OMA1: variants seen among roughly 807,000 people sequenced by gnomAD.
The protein encoded by OMA1 is metalloendopeptidase OMA1, mitochondrial.
OMA1 carries 38 observed loss-of-function variants against 30.9 expected under a neutral mutation model. The ratio of observed to expected loss-of-function variants is 1.23; its 90% CI spans 0.95 to 1.61. The LOEUF is 1.61. OMA1 is among the 40% of genes most tolerant of loss of function. The probability of loss-of-function intolerance (pLI) is 0.00; values close to 1 mark genes in which losing one functional copy is unlikely to be tolerated. For synonymous variants in OMA1, 173 were observed against 121.9 expected (o/e 1.42, Z -2.76); for missense variants, 461 against 349.2 (o/e 1.32, Z -2.55).
Position 58,533,990 on chromosome 1 carries a change from A to C in OMA1, c.974T>G (p.Leu325Arg), listed in dbSNP as rs1306725561. The C allele has an allele frequency of 1.1e-6, 1 of 871,688 alleles. No individual in the cohort carries two copies. 54.0% of individuals were successfully genotyped at this position (871,688 alleles called of 1,614,324 possible). ...TACTGCATGTGCTATTTCATGGCCC[A>C]GAAGGAAAGAAAGTTGATGAATATC... Reference protein sequence around the residue: ...VTDIHQLSFLLGHEIAHAVLG... With the variant: ...VTDIHQLSFLRGHEIAHAVLG... The change falls in exon 5 of 9, where the codon CTG (leucine) becomes CGG (arginine). Residue 325 changes from leucine to arginine, a missense_variant. Transcript: ENST00000371226.
chr1:58,543,894 G>A (rs1414620391), intron 1 of OMA1, among the ~76,000 whole-genome samples: 6 of 152,176 alleles, frequency 3.9e-5, no homozygotes, highest in South Asian at 4.1e-4. Flanking sequence ...GCCCCTACAT[G>A]TGGCTACTGA....
At chr1:58,491,867 G>GT (rs1365344296) in intron 8 of OMA1, among the ~76,000 whole-genome samples, 1 of 152,122 alleles carries the variant, frequency 6.6e-6, no homozygotes, top group Non-Finnish European at 1.5e-5. Context: ...GAGACAAAAA[G>GT]TTAACAAGGA....
rs572504905 is a variant in OMA1, at chr1:58,525,364, C to T, written c.1215+1897G>A. 2.0e-4 allele frequency among the ~76,000 whole-genome samples: 30 copies of T among 152,092 alleles called. No homozygotes were observed. In the South Asian group the frequency reaches 5.4e-3, roughly 27 times the overall value. Reference sequence around the variant, plus strand: ...GCTCAAAAACATGCTGTTCAAGAGTCAACTGTATACAGATTGGAAAGGAAG... The same window carrying T: ...GCTCAAAAACATGCTGTTCAAGAGTTAACTGTATACAGATTGGAAAGGAAG... On this transcript the variant is annotated intron_variant, in intron 7 of 8. Transcript: ENST00000371226.
At chr1:58,497,911 G>GT (rs1413431058) in intron 8 of OMA1, among the ~76,000 whole-genome samples, 1 of 152,028 alleles carries the variant, frequency 6.6e-6, no homozygotes, top group African/African-American at 2.4e-5. Context: ...CATTCCATGG[G>GT]TATCTCCCAG....
chr1:58,486,149 T>A (rs1046824573), intron 8 of OMA1, among the ~76,000 whole-genome samples: 2 of 152,192 alleles, frequency 1.3e-5, no homozygotes, highest in African/African-American at 4.8e-5. Flanking sequence ...TGACATAAAA[T>A]ACTTATCATT....
chr1:58,508,407 C>T (rs762929714), intron 7 of OMA1, among the ~76,000 whole-genome samples: 2 of 152,180 alleles, frequency 1.3e-5, no homozygotes, highest in Non-Finnish European at 2.9e-5. Context: ...CGATAATATA[C>T]GAATTCCCTT....
At chr1:58,544,023 A>C (rs1322929321) in intron 1 of OMA1, among the ~76,000 whole-genome samples, 1 of 152,224 alleles carries the variant, frequency 6.6e-6, no homozygotes, top group Non-Finnish European at 1.5e-5. Flanking sequence ...AGGCAAGTGA[A>C]TATCAGCAAA....
At chr1:58,512,970 T>A (rs1646104613) in intron 7 of OMA1, among the ~76,000 whole-genome samples, 1 of 152,204 alleles carries the variant, frequency 6.6e-6, no homozygotes, top group Non-Finnish European at 1.5e-5. Flanking sequence ...ATACTCAGTT[T>A]ATCACAAGTC....
At chr1:58,483,210 T>G (rs1349969185) in intron 8 of OMA1, among the ~76,000 whole-genome samples, 1 of 152,138 alleles carries the variant, frequency 6.6e-6, no homozygotes, top group Non-Finnish European at 1.5e-5. Flanking sequence ...AAGGGCCTTG[T>G]GTGAATGTGT....
At chr1:58,514,885 G>C (rs1438409826) in intron 7 of OMA1, among the ~76,000 whole-genome samples, 2 of 152,158 alleles carry the variant, frequency 1.3e-5, no homozygotes, top group Non-Finnish European at 2.9e-5. Context: ...TACTGTCTAT[G>C]AGAGCTTTGC....
At chr1:58,502,951 A>C (rs1645929336) in intron 8 of OMA1, among the ~76,000 whole-genome samples, 1 of 152,202 alleles carries the variant, frequency 6.6e-6, no homozygotes, top group South Asian at 2.1e-4. Context: ...CTTTGTCTTC[A>C]TCATTTGCTC....
intron 8 of OMA1, among the ~76,000 whole-genome samples, chr1:58,483,870 G>A (rs571033612): frequency 6.6e-6 from 1 of 152,166 alleles, no homozygotes; most frequent in Admixed American, 6.5e-5. Flanking sequence ...CAAGTGAGAA[G>A]TTTACCTGTC....
chr1:58,546,079 C>T (rs1016099039), intron 1 of OMA1, among the ~76,000 whole-genome samples: 2 of 152,186 alleles, frequency 1.3e-5, no homozygotes, highest in African/African-American at 4.8e-5. Context: ...ACTGTTGCTC[C>T]ACACACAGGC....
At chr1:58,539,347 A>G (rs921733827) in intron 1 of OMA1, 37 bp from the exon 2 acceptor site, 14 of 754,966 alleles carry the variant, frequency 1.9e-5, no homozygotes, top group Middle Eastern at 2.4e-4. Flanking sequence ...TCTGTGGAAA[A>G]TATTTACTTA....
chr1:58,506,221 A>G lies in OMA1; in HGVS notation c.1216-12T>C. On this transcript the variant is annotated splice_polypyrimidine_tract_variant and intron_variant, in intron 7 of 8. Transcript: ENST00000371226. ...ATGTCTGCACAAGCCTAAAACCAAAATTAGTAAAACCACACAATGAGCTCA... is the reference window on the plus strand; with the variant it reads ...ATGTCTGCACAAGCCTAAAACCAAAGTTAGTAAAACCACACAATGAGCTCA... 2 of 860,832 alleles carry G rather than the reference A, an allele frequency of 2.3e-6. No individual in the cohort carries two copies. Among genetic ancestry groups the G allele is most frequent in the Non-Finnish European group, 4.0e-6 (2 of 494,048 alleles). 53.3% of individuals were successfully genotyped at this position (860,832 alleles called of 1,614,324 possible).
At chr1:58,503,853 A>AT (rs1645945855) in intron 8 of OMA1, among the ~76,000 whole-genome samples, 1 of 152,204 alleles carries the variant, frequency 6.6e-6, no homozygotes, top group Admixed American at 6.5e-5. Flanking sequence ...ACAAACTAAA[A>AT]TAGGTGTTAA....
intron 7 of OMA1, among the ~76,000 whole-genome samples, chr1:58,518,465 G>A (rs1301853827): frequency 1.3e-5 from 2 of 151,878 alleles, no homozygotes; most frequent in African/African-American, 4.8e-5. Flanking sequence ...TGGAATGGAG[G>A]GGAGTAGGAC....
intron 7 of OMA1, among the ~76,000 whole-genome samples, chr1:58,519,041 T>C (rs1320552175): frequency 6.6e-6 from 1 of 152,200 alleles, no homozygotes; most frequent in Non-Finnish European, 1.5e-5. Flanking sequence ...CTACACTTAT[T>C]GCTCGCTTCT....
intron 6 of OMA1, among the ~76,000 whole-genome samples, chr1:58,528,444 T>C (rs560338760): frequency 1.1e-4 from 17 of 152,338 alleles, no homozygotes; most frequent in African/African-American, 3.8e-4. Context: ...AGCCCTGATT[T>C]GTGCCAGGTA....
Sources: allele counts gnomAD v4.1 joint callset (sites outside exome capture counted in the v4.1 genomes callset), GRCh38; gene constraint gnomAD v4.1.1; transcripts MANE v1.5; gene names NCBI Gene and HGNC (gene_info 2026-07-23, HGNC 2026-07-21).